Variants in ANKRD11 observed in about 807,000 individuals in gnomAD.
ANKRD11 encodes ankyrin repeat domain-containing protein 11.
A neutral mutation model predicts 195.7 loss-of-function variants in ANKRD11; 17 were observed. The ratio of observed to expected loss-of-function variants is 0.09; its 90% CI spans 0.06 to 0.13. The LOEUF is 0.13. Among genes scored for constraint, ANKRD11 ranks in the 10% least tolerant of loss-of-function variants. The pLI is 1.00. For missense variants in ANKRD11, 3,735 were observed against 3,566.1 expected (o/e 1.05, Z -1.21); for synonymous variants, 1,953 against 1,528.1 (o/e 1.28, Z -6.49).
At chr16:89,352,506 C>T (rs2039268871) in intron 2 of ANKRD11, among the ~76,000 whole-genome samples, 2 of 152,144 alleles carry the variant, frequency 1.3e-5, no homozygotes, top group African/African-American at 4.8e-5. Flanking sequence ...CCCTTCAGAG[C>T]TTCTGGCAAG....
intron 6 of ANKRD11, among the ~76,000 whole-genome samples, chr16:89,290,293 C>T (rs71372800): frequency 7.6e-5 from 7 of 92,066 alleles, no homozygotes; most frequent in Admixed American, 4.2e-4. Flanking sequence ...GGGCTCCAGC[C>T]GGGGGAGGCT....
At chr16:89,348,214 G>T (rs1413235786) in intron 2 of ANKRD11, among the ~76,000 whole-genome samples, 2 of 152,098 alleles carry the variant, frequency 1.3e-5, no homozygotes, top group African/African-American at 4.8e-5. Context: ...TTACAGGCAT[G>T]AGCCACCATA....
intron 1 of ANKRD11, among the ~76,000 whole-genome samples, chr16:89,423,989 C>G (rs930304319): frequency 2.0e-5 from 3 of 152,040 alleles, no homozygotes; most frequent in Admixed American, 6.6e-5. Context: ...CGGCGTACAA[C>G]GGGATAATGA....
At chr16:89,410,305 A>G (rs1427895023) in intron 2 of ANKRD11, among the ~76,000 whole-genome samples, 1 of 152,202 alleles carries the variant, frequency 6.6e-6, no homozygotes, top group Non-Finnish European at 1.5e-5. Context: ...TTAGTAAGCC[A>G]CCAGGATTTG....
At chr16:89,346,711 AAGGTGGGAGATCC>A (rs1402790323) in intron 2 of ANKRD11, among the ~76,000 whole-genome samples, 2 of 152,238 alleles carry the variant, frequency 1.3e-5, no homozygotes, top group Admixed American at 1.3e-4. Flanking sequence ...GCTATACAGC[AAGGTGGGAGATCC>A]AGGTAAAGTG....
intron 9 of ANKRD11, among the ~76,000 whole-genome samples, chr16:89,275,893 G>C (rs924389685): frequency 1.3e-5 from 2 of 152,176 alleles, no homozygotes; most frequent in African/African-American, 4.8e-5. Flanking sequence ...GCCCACACAG[G>C]AGCGGGGAGC....
chr16:89,308,183 G>A (rs2036406694), intron 3 of ANKRD11, among the ~76,000 whole-genome samples: 2 of 152,140 alleles, frequency 1.3e-5, no homozygotes, highest in Non-Finnish European at 2.9e-5. Flanking sequence ...ACATAGACAG[G>A]ATATATAAAA....
chr16:89,406,045 G>C (rs1447436367), intron 2 of ANKRD11, among the ~76,000 whole-genome samples: 1 of 151,144 alleles, frequency 6.6e-6, no homozygotes, highest in Non-Finnish European at 1.5e-5. Flanking sequence ...CGAAGGCAGA[G>C]GCTGCAGTGA....
At chr16:89,397,025 T>C (rs1176147111) in intron 2 of ANKRD11, among the ~76,000 whole-genome samples, 1 of 147,556 alleles carries the variant, frequency 6.8e-6, no homozygotes, top group Non-Finnish European at 1.5e-5. Flanking sequence ...AATACAGGAT[T>C]TTTTTTTTTT....
rs143204003 is a variant in ANKRD11 at position 89,375,603 on chromosome 16, G to A, written c.-60+42681C>T. Reference sequence around the variant, plus strand: ...GCCTCCCGAGTGATTACAGGCGCCCGCCACCACGCCCAGTTAATTTTTAAA... The same window carrying A: ...GCCTCCCGAGTGATTACAGGCGCCCACCACCACGCCCAGTTAATTTTTAAA... On this transcript the variant is annotated intron_variant, in intron 2 of 12. Transcript: ENST00000301030. Among the ~76,000 whole-genome samples the A allele has an allele frequency of 8.4e-3, 1,271 of 151,838 alleles. 27 individuals carry two copies. Among genetic ancestry groups the A allele is most frequent in the African/African-American group, 0.028 (1,170 of 41,408 alleles).
At position 89,426,529 on chromosome 16, in the gene ANKRD11, TCACACA is replaced by T. The variant is rs55664494; in HGVS notation, c.-144-8167_-144-8162del. On this transcript the variant is annotated intron_variant, in intron 1 of 12. Coordinates refer to ENST00000301030, the MANE Select transcript of ANKRD11 (RefSeq NM_013275.6). ...AGAGGCTCTGATGGTCACTTAAACA[TCACACA>T]CACACACACACACACACACACACAC... is the stretch of plus-strand genomic sequence containing the variant. 5.9e-4 allele frequency among the ~76,000 whole-genome samples: 84 copies of T among 142,356 alleles called. 1 individual carries two copies. The highest frequency in any genetic ancestry group is 2.1e-3 in the East Asian group (10 of 4,678). The allele number at this position is 142,356 out of a possible 152,430, so 93.4% of individuals were successfully genotyped here. A position where few individuals can be genotyped will look rare whatever the true frequency, so the allele number is the denominator to read the frequency against.
chr16:89,331,629 A>G (rs561022987), intron 2 of ANKRD11, among the ~76,000 whole-genome samples: 2 of 151,874 alleles, frequency 1.3e-5, no homozygotes, highest in African/African-American at 2.4e-5. Context: ...AGATTTATAG[A>G]TATGTATTTA....
Position 89,305,191 on chromosome 16 carries a change from GC to G in ANKRD11, c.226+14del. The G allele has an allele frequency of 6.2e-7, 1 of 1,609,438 alleles. No individual in the cohort carries two copies. Among genetic ancestry groups the G allele is most frequent in the Non-Finnish European group, 8.5e-7 (1 of 1,179,334 alleles). ...CTGTGGAGGGCTGACTGCAGGAGGG[GC>G]CGCGGGCTGGTACCTGTGTCCGAGT... On this transcript the variant is annotated intron_variant, in intron 4 of 12. Transcript: ENST00000301030.
chr16:89,476,422 A>G (rs2057260239), intron 1 of ANKRD11, among the ~76,000 whole-genome samples: 1 of 152,220 alleles, frequency 6.6e-6, no homozygotes, highest in African/African-American at 2.4e-5. Flanking sequence ...AAAGCAAACT[A>G]CCTGCTTTGT....
intron 3 of ANKRD11, among the ~76,000 whole-genome samples, chr16:89,308,683 G>A (rs2036438717): frequency 6.6e-6 from 1 of 152,148 alleles, no homozygotes; most frequent in Admixed American, 6.5e-5. Flanking sequence ...ACAAGCACAA[G>A]GATGTTCAAG....
At chr16:89,336,360 G>A (rs2038353055) in intron 2 of ANKRD11, among the ~76,000 whole-genome samples, 2 of 152,350 alleles carry the variant, frequency 1.3e-5, no homozygotes, top group South Asian at 4.1e-4. Context: ...ACCTAGAGGC[G>A]GGTGTGCGTC....
intron 2 of ANKRD11, among the ~76,000 whole-genome samples, chr16:89,334,558 G>T (rs1451597162): frequency 1.3e-5 from 2 of 152,026 alleles, no homozygotes; most frequent in African/African-American, 4.8e-5. Context: ...GTGGGCATGC[G>T]GCATGCTATG....
rs187504824 is a variant in ANKRD11 at position 89,419,917 on chromosome 16, T to C, written c.-144-1549A>G. ...TGATGGGTGCGCTGGCTCACGCCTG[T>C]AATCCCAGCACTTCAGGAGGCTGAG... is the stretch of plus-strand genomic sequence containing the variant. On this transcript the variant is annotated intron_variant, in intron 1 of 12. Transcript: ENST00000301030. Among the ~76,000 whole-genome samples, 552 of 152,312 alleles carry C rather than the reference T, an allele frequency of 3.6e-3. 11 individuals are homozygous for C. The highest frequency in any genetic ancestry group is 0.028 in the Admixed American group (430 of 15,308).
At chr16:89,269,894 C>G (rs1321665139) in intron 12 of ANKRD11, 1 of 152,202 alleles carries the variant, frequency 6.6e-6, no homozygotes, top group Admixed American at 6.5e-5. Context: ...CCGCACCCCG[C>G]CCAAAGTCCC....
Sources: allele counts gnomAD v4.1 joint callset (sites outside exome capture counted in the v4.1 genomes callset), GRCh38; gene constraint gnomAD v4.1.1; transcripts MANE v1.5; gene names NCBI Gene and HGNC (gene_info 2026-07-23, HGNC 2026-07-21).